Variants in NTM observed in about 807,000 individuals in gnomAD.
The protein encoded by NTM is IgLON family member 2.
NTM carries 13 observed loss-of-function variants against 42.1 expected under a neutral mutation model. That is an observed-to-expected ratio of 0.31 (90% confidence interval 0.20 to 0.49). The LOEUF (loss-of-function observed/expected upper bound fraction) is 0.49. NTM is among the 20% of genes least tolerant of loss of function. The pLI is 0.99. For missense variants in NTM, 373 were observed against 452.8 expected (o/e 0.82, Z 1.60); for synonymous variants, 187 against 179.2 (o/e 1.04, Z -0.35).
At chr11:131,987,258 G>T (rs1396669514) in intron 2 of NTM, among the ~76,000 whole-genome samples, 1 of 152,102 alleles carries the variant, frequency 6.6e-6, no homozygotes, top group African/African-American at 2.4e-5. Context: ...CTAATCCTTA[G>T]AAATAAGCAT....
At chr11:132,323,589 C>T in intron 7 of NTM, among the ~76,000 whole-genome samples, 1 of 152,006 alleles carries the variant, frequency 6.6e-6, no homozygotes. Flanking sequence ...CCGAATTCTA[C>T]CAGAGGTACA....
intron 1 of NTM, among the ~76,000 whole-genome samples, chr11:131,477,708 T>G (rs1416520332): frequency 2.0e-5 from 3 of 152,006 alleles, no homozygotes; most frequent in African/African-American, 7.2e-5. Flanking sequence ...CCCAGAGAGA[T>G]ATATTTTCTA....
chr11:131,747,699 C>T (rs370694175), intron 1 of NTM, among the ~76,000 whole-genome samples: 3 of 152,180 alleles, frequency 2.0e-5, no homozygotes, highest in African/African-American at 7.2e-5. Flanking sequence ...TATCACATGA[C>T]TTCTTAAATG....
chr11:131,551,684 T>G (rs58560321), intron 1 of NTM, among the ~76,000 whole-genome samples: 1 of 152,298 alleles, frequency 6.6e-6, no homozygotes, highest in South Asian at 2.1e-4. Context: ...AAATCACTTA[T>G]CCACACGGGC....
intron 2 of NTM, among the ~76,000 whole-genome samples, chr11:132,054,771 T>C (rs2079366550): frequency 6.6e-6 from 1 of 152,222 alleles, no homozygotes; most frequent in South Asian, 2.1e-4. Flanking sequence ...AGTGAATCTC[T>C]TGAGGGAGTA....
At chr11:131,370,939 G>A (rs1941077781) in intron 1 of NTM, 51 bp downstream of exon 1, 2 of 1,605,864 alleles carry the variant, frequency 1.2e-6, no homozygotes, top group Non-Finnish European at 1.7e-6. Context: ...ATTGTACAGT[G>A]TGCTTTATAA....
intron 2 of NTM, among the ~76,000 whole-genome samples, chr11:132,143,860 G>C (rs540842236): frequency 2.0e-5 from 3 of 152,180 alleles, no homozygotes; most frequent in South Asian, 4.2e-4. Flanking sequence ...AGGAGCATAA[G>C]GGAAGGTACA....
At chr11:131,820,202 C>T (rs1420236399) in intron 1 of NTM, among the ~76,000 whole-genome samples, 2 of 152,164 alleles carry the variant, frequency 1.3e-5, no homozygotes, top group Non-Finnish European at 2.9e-5. Context: ...CTCCTGCAGC[C>T]ACTGGATCCC....
intron 1 of NTM, among the ~76,000 whole-genome samples, chr11:131,883,853 G>T (rs922072726): frequency 6.6e-6 from 1 of 152,108 alleles, no homozygotes; most frequent in Non-Finnish European, 1.5e-5. Flanking sequence ...ATCTTTGTAC[G>T]TGGACAAGCC....
chr11:131,624,199 C>T (rs1333719894), intron 1 of NTM, among the ~76,000 whole-genome samples: 1 of 152,164 alleles, frequency 6.6e-6, no homozygotes, highest in Admixed American at 6.5e-5. Flanking sequence ...TGCGGTCCGG[C>T]CTGGGTATCC....
chr11:132,157,401 C>T (rs1220021141), intron 3 of NTM, among the ~76,000 whole-genome samples: 2 of 152,054 alleles, frequency 1.3e-5, no homozygotes, highest in Non-Finnish European at 1.5e-5. Context: ...AGCTTTTTGT[C>T]CTTGGGGTAT....
At chr11:131,964,934 A>C (rs1301105903) in intron 2 of NTM, among the ~76,000 whole-genome samples, 1 of 152,174 alleles carries the variant, frequency 6.6e-6, no homozygotes, top group African/African-American at 2.4e-5. Flanking sequence ...GCACTCGGGC[A>C]TTACCAAGAG....
intron 2 of NTM, among the ~76,000 whole-genome samples, chr11:132,036,074 G>A (rs937335343): frequency 1.3e-5 from 2 of 152,098 alleles, no homozygotes; most frequent in Non-Finnish European, 2.9e-5. Flanking sequence ...TGTTCCTGAT[G>A]GACACCAGTG....
intron 1 of NTM, among the ~76,000 whole-genome samples, chr11:131,580,931 C>T (rs1331047910): frequency 6.6e-6 from 1 of 152,124 alleles, no homozygotes; most frequent in Non-Finnish European, 1.5e-5. Flanking sequence ...GTCACAGTGG[C>T]CACCAAAAGG....
At chr11:131,725,513 C>T (rs1302528844) in intron 1 of NTM, among the ~76,000 whole-genome samples, 1 of 152,056 alleles carries the variant, frequency 6.6e-6, no homozygotes, top group African/African-American at 2.4e-5. Flanking sequence ...GCCATGTCGA[C>T]ATCTCAGATA....
At chr11:131,828,016 T>C (rs931945088) in intron 1 of NTM, among the ~76,000 whole-genome samples, 7 of 152,156 alleles carry the variant, frequency 4.6e-5, no homozygotes, top group African/African-American at 1.4e-4. Context: ...GTTAGGCTCA[T>C]GACTCTGGAG....
intron 1 of NTM, among the ~76,000 whole-genome samples, chr11:131,564,276 A>ATTTATGCCACCTTATTTATTTG (rs1555151253): frequency 8.6e-5 from 13 of 151,618 alleles, no homozygotes; most frequent in African/African-American, 3.1e-4. Flanking sequence ...CACCTTATTT[A>ATTTATGCCACCTTATTTATTTG]TTTGTTTGTT....
At chr11:131,582,786 C>T (rs576653466) in intron 1 of NTM, among the ~76,000 whole-genome samples, 1 of 152,240 alleles carries the variant, frequency 6.6e-6, no homozygotes, top group East Asian at 1.9e-4. Flanking sequence ...CCCCCACGCC[C>T]CCTTCCCCCA....
At chr11:131,813,477 G>A (rs2092822768) in intron 1 of NTM, among the ~76,000 whole-genome samples, 1 of 152,154 alleles carries the variant, frequency 6.6e-6, no homozygotes, top group Non-Finnish European at 1.5e-5. Context: ...GACGGATGAA[G>A]GCTGTAGGGA....
Sources: allele counts gnomAD v4.1 joint callset (sites outside exome capture counted in the v4.1 genomes callset), GRCh38; gene constraint gnomAD v4.1.1; transcripts MANE v1.5; gene names NCBI Gene and HGNC (gene_info 2026-07-23, HGNC 2026-07-21).